Variants in EPHA6 observed in about 807,000 individuals in gnomAD.
EPHA6 encodes EPH receptor A6.
Under a neutral mutation model 112.0 loss-of-function variants are expected in EPHA6, and 50 were observed. That is an observed-to-expected ratio of 0.45 (90% CI 0.36 to 0.56). The LOEUF is 0.56. EPHA6 is among the 20% of genes least tolerant of loss of function. The pLI is 0.00. For missense variants in EPHA6, 1,280 were observed against 1,417.4 expected, an observed-to-expected ratio of 0.90 and a Z score of 1.56; for synonymous variants, 529 against 490.7, an observed-to-expected ratio of 1.08 and a Z score of -1.03.
At chr3:97,467,105 CTCT>C (rs1182073044) in intron 7 of EPHA6, among the ~76,000 whole-genome samples, 5 of 151,808 alleles carry the variant, frequency 3.3e-5, no homozygotes, top group African/African-American at 7.2e-5. Context: ...GCATCTCTAT[CTCT>C]CTCACTAAAG....
Position 97,610,790 on chromosome 3 carries a change from C to T in EPHA6, c.2513-3C>T. ...CCATGTGTATTCTCTTGCTCTTTTG[C>T]AGGCAGACCAGTAATGATTGTGGTG... On this transcript the variant is annotated splice_region_variant and splice_polypyrimidine_tract_variant and intron_variant, in intron 12 of 17. Coordinates refer to ENST00000389672, the MANE Select transcript of EPHA6 (RefSeq NM_001080448.3). The T allele has an allele frequency of 6.2e-7, 1 of 1,610,550 alleles. No homozygotes were observed. The highest frequency in any genetic ancestry group is 1.3e-5 in the African/African-American group (1 of 74,874).
chr3:96,866,684 A>G, intron 1 of EPHA6, 141 bp from the exon 2 acceptor site: 2 of 409,626 alleles, frequency 4.9e-6, no homozygotes, highest in East Asian at 8.6e-5. Flanking sequence ...TAAATTTCTG[A>G]AGATAACTCA....
chr3:96,968,522 G>A (rs942646161), intron 2 of EPHA6, among the ~76,000 whole-genome samples: 17 of 151,554 alleles, frequency 1.1e-4, no homozygotes, highest in African/African-American at 3.4e-4. Flanking sequence ...AAGTATATAT[G>A]AGAATTAACA....
At chr3:96,992,210 A>G (rs556769064) in intron 3 of EPHA6, among the ~76,000 whole-genome samples, 1 of 152,310 alleles carries the variant, frequency 6.6e-6, no homozygotes, top group Non-Finnish European at 1.5e-5. Flanking sequence ...CCAATTGCTC[A>G]GTACATAACA....
intron 3 of EPHA6, among the ~76,000 whole-genome samples, chr3:97,084,789 T>C (rs1006905259): frequency 2.0e-5 from 3 of 152,094 alleles, no homozygotes; most frequent in African/African-American, 7.2e-5. Flanking sequence ...GGCTCATGGA[T>C]TGGAAGACTC....
intron 3 of EPHA6, among the ~76,000 whole-genome samples, chr3:97,185,244 A>G (rs1480311563): frequency 6.6e-6 from 1 of 152,232 alleles, no homozygotes; most frequent in Non-Finnish European, 1.5e-5. Context: ...GAGCTTCTGC[A>G]CAGCAAAAGA....
intron 3 of EPHA6, among the ~76,000 whole-genome samples, chr3:97,178,211 A>T (rs2076890923): frequency 6.6e-6 from 1 of 152,090 alleles, no homozygotes; most frequent in Admixed American, 6.6e-5. Context: ...ACAAACAAAC[A>T]CAAAGAAAAC....
At chr3:97,682,290 T>A (rs2031917849) in intron 14 of EPHA6, among the ~76,000 whole-genome samples, 1 of 152,048 alleles carries the variant, frequency 6.6e-6, no homozygotes, top group Non-Finnish European at 1.5e-5. Context: ...TTTAAACAGG[T>A]TGAAGATGAG....
At chr3:97,190,931 A>G (rs1409515730) in intron 3 of EPHA6, among the ~76,000 whole-genome samples, 1 of 152,080 alleles carries the variant, frequency 6.6e-6, no homozygotes, top group East Asian at 1.9e-4. Flanking sequence ...AAGAACAAGG[A>G]TGAGAATAAT....
At chr3:97,701,366 A>G (rs1307007456) in intron 14 of EPHA6, among the ~76,000 whole-genome samples, 2 of 152,114 alleles carry the variant, frequency 1.3e-5, no homozygotes, top group East Asian at 3.9e-4. Context: ...TGAATGTTCC[A>G]TCTTGGGAGG....
chr3:97,565,249 G>A (rs2093247205), intron 11 of EPHA6, among the ~76,000 whole-genome samples: 1 of 149,216 alleles, frequency 6.7e-6, no homozygotes, highest in African/African-American at 2.5e-5. Context: ...AATATTCAAG[G>A]AAAATTAGCC....
At chr3:97,328,005 ATG>A (rs2082547821) in intron 5 of EPHA6, among the ~76,000 whole-genome samples, 13 of 137,114 alleles carry the variant, frequency 9.5e-5, no homozygotes, top group African/African-American at 3.7e-4. Flanking sequence ...GTGTATGTAT[ATG>A]TATATGTGTA....
intron 6 of EPHA6, chr3:97,441,283 T>G (rs981833948): frequency 1.4e-4 from 22 of 161,656 alleles, no homozygotes; most frequent in Non-Finnish European, 2.2e-4. Flanking sequence ...ACAGGAAGGG[T>G]TTATCTTAGG....
intron 2 of EPHA6, among the ~76,000 whole-genome samples, chr3:96,935,433 T>C (rs2040528463): frequency 1.3e-5 from 2 of 151,294 alleles, no homozygotes; most frequent in South Asian, 4.2e-4. Flanking sequence ...TATATGAATA[T>C]ATGTATATGA....
chr3:97,651,206 C>T (rs890464469), intron 14 of EPHA6, among the ~76,000 whole-genome samples: 62 of 152,076 alleles, frequency 4.1e-4, no homozygotes, highest in African/African-American at 1.4e-3. Context: ...CAATTACATT[C>T]ATTTCTTCTC....
At chr3:96,825,190 A>T (rs542932393) in intron 1 of EPHA6, among the ~76,000 whole-genome samples, 14 of 151,970 alleles carry the variant, frequency 9.2e-5, no homozygotes, top group Non-Finnish European at 1.6e-4. Context: ...TTATGCATTT[A>T]AGGATAAAAA....
At chr3:96,858,233 C>T (rs941382368) in intron 1 of EPHA6, among the ~76,000 whole-genome samples, 1 of 152,012 alleles carries the variant, frequency 6.6e-6, no homozygotes, top group African/African-American at 2.4e-5. Context: ...AGCCATGCTA[C>T]CCTAGTAGGG....
At chr3:96,944,834 G>C (rs545521392) in intron 2 of EPHA6, among the ~76,000 whole-genome samples, 1 of 152,306 alleles carries the variant, frequency 6.6e-6, no homozygotes, top group African/African-American at 2.4e-5. Context: ...CAGCTACTCA[G>C]GAGGCTGAGG....
intron 3 of EPHA6, 122 bp downstream of exon 3, chr3:96,988,115 TA>T: frequency 2.0e-5 from 14 of 694,608 alleles, no homozygotes; most frequent in Non-Finnish European, 2.7e-5. Flanking sequence ...TTTTGATACA[TA>T]TAATGTATAC....
Sources: allele counts gnomAD v4.1 joint callset (sites outside exome capture counted in the v4.1 genomes callset), GRCh38; gene constraint gnomAD v4.1.1; transcripts MANE v1.5; gene names NCBI Gene and HGNC (gene_info 2026-07-23, HGNC 2026-07-21).